Variants in GLYATL3 observed in about 807,000 individuals in gnomAD.
GLYATL3 encodes the protein glycine N-acyltransferase-like protein 3.
A neutral mutation model predicts 28.5 loss-of-function variants in GLYATL3; 31 were observed. That is an observed-to-expected ratio of 1.09 (90% CI 0.82 to 1.47). The LOEUF (loss-of-function observed/expected upper bound fraction) is 1.47. Ranked by LOEUF, GLYATL3 falls within the 40% of genes most tolerant of loss-of-function variation. The pLI, the probability that GLYATL3 is intolerant of heterozygous loss-of-function variation, is 0.00. For synonymous variants in GLYATL3, 141 were observed against 140.2 expected (o/e 1.01, Z -0.04); for missense variants, 369 against 351.5 (o/e 1.05, Z -0.40).
chr6:49,525,973 A>T (rs1004458088), intron 5 of GLYATL3, among the ~76,000 whole-genome samples: 4 of 152,234 alleles, frequency 2.6e-5, no homozygotes, highest in Non-Finnish European at 4.4e-5. Context: ...AATTAGAAGC[A>T]ACGACTTAAA....
intron 3 of GLYATL3, 48 bp downstream of exon 3, chr6:49,515,808 G>A (rs1484978082): frequency 8.7e-6 from 9 of 1,031,646 alleles, no homozygotes; most frequent in Admixed American, 2.0e-5. Context: ...GAATTGGAAA[G>A]AAAAAGTAGG....
intron 4 of GLYATL3, among the ~76,000 whole-genome samples, chr6:49,519,102 G>A (rs1400893145): frequency 1.3e-5 from 2 of 152,084 alleles, no homozygotes; most frequent in African/African-American, 4.8e-5. Flanking sequence ...TGTTCTGACC[G>A]GTATTACTTT....
chr6:49,526,434 T>C (rs879748771), intron 5 of GLYATL3, 54 bp from the exon 6 acceptor site: 41 of 1,440,026 alleles, frequency 2.8e-5, no homozygotes, highest in South Asian at 5.3e-5. Context: ...TGTGTAGTTA[T>C]GTATAACCAC....
rs1184570343 is a variant in GLYATL3 at position 49,526,689 on chromosome 6, T to A, written c.642T>A (p.His214Gln). 1 of 1,551,770 alleles carries A rather than the reference T, an allele frequency of 6.4e-7. No individual in the cohort carries two copies. The highest frequency in any genetic ancestry group is 8.7e-7 in the Non-Finnish European group (1 of 1,147,018). ...SITDQFATMC[H>Q]GYTLPEHRRK... Reference sequence around the variant, plus strand: ...CAGACCAGTTTGCCACCATGTGCCATGGCTACACCCTGCCAGAACATCGCA... The same window carrying A: ...CAGACCAGTTTGCCACCATGTGCCAAGGCTACACCCTGCCAGAACATCGCA... The change falls in exon 6 of 6, where the codon CAT becomes CAA. Residue 214 changes from histidine (H) to glutamine (Q), a missense_variant. Physicochemically the swap from His to Gln is conservative, Grantham distance 24. Transcript: ENST00000371197.
intron 2 of GLYATL3, among the ~76,000 whole-genome samples, chr6:49,514,420 G>T (rs1175887883): frequency 6.6e-6 from 1 of 152,172 alleles, no homozygotes; most frequent in Non-Finnish European, 1.5e-5. Flanking sequence ...CATGAATGGT[G>T]GTAAAAAGGA....
chr6:49,507,787 A>C (rs1463761905), intron 1 of GLYATL3, among the ~76,000 whole-genome samples: 2 of 152,110 alleles, frequency 1.3e-5, no homozygotes, highest in African/African-American at 4.8e-5. Context: ...AGATAGTGAA[A>C]GCTGAGTCCA....
At chr6:49,505,699 A>T (rs1386901877) in intron 1 of GLYATL3, among the ~76,000 whole-genome samples, 1 of 152,218 alleles carries the variant, frequency 6.6e-6, no homozygotes, top group African/African-American at 2.4e-5. Context: ...AGGGACCACA[A>T]TAATGTTTGG....
rs746525663 is a variant in GLYATL3 at position 49,521,622 on chromosome 6, A to C, written c.314-23A>C. ...TTTTCAACTAAAATGCCCACATATTAAATTATGTCTTTCTATACACAGGGC... is the reference window on the plus strand; with the variant it reads ...TTTTCAACTAAAATGCCCACATATTCAATTATGTCTTTCTATACACAGGGC... On this transcript the variant is annotated intron_variant, in intron 4 of 5. Transcript: ENST00000371197. The C allele has an allele frequency of 4.6e-6, 7 of 1,521,044 alleles. No individual in the cohort carries two copies. The South Asian group carries it at 7.5e-5, about 16-fold the overall frequency. The allele number at this position is 1,521,044 out of a possible 1,614,324, so 94.2% of individuals were successfully genotyped here.
At chr6:49,514,764 C>T (rs577247276) in intron 2 of GLYATL3, among the ~76,000 whole-genome samples, 2 of 152,110 alleles carry the variant, frequency 1.3e-5, no homozygotes, top group South Asian at 4.2e-4. Flanking sequence ...ACCCAGGAGG[C>T]GGAGGTTGCA....
chr6:49,516,564 T>C (rs922994011), intron 3 of GLYATL3, among the ~76,000 whole-genome samples: 12 of 151,958 alleles, frequency 7.9e-5, no homozygotes, highest in Non-Finnish European at 1.8e-4. Context: ...TGGAGGTGAA[T>C]CCACTGAGTT....
intron 1 of GLYATL3, 156 bp from the exon 2 acceptor site, chr6:49,511,807 C>A: frequency 2.1e-6 from 1 of 467,524 alleles, no homozygotes; most frequent in South Asian, 4.8e-5. Context: ...CCGGTTTACC[C>A]ATCCCAGTGC....
intron 3 of GLYATL3, among the ~76,000 whole-genome samples, chr6:49,517,193 A>G (rs562852154): frequency 6.6e-6 from 1 of 151,350 alleles, no homozygotes; most frequent in Non-Finnish European, 1.5e-5. Flanking sequence ...AAGACAAAGA[A>G]AAACTCTTTC....
intron 5 of GLYATL3, among the ~76,000 whole-genome samples, chr6:49,523,549 C>T (rs180914497): frequency 6.6e-6 from 1 of 152,322 alleles, no homozygotes; most frequent in East Asian, 1.9e-4. Context: ...GGTAGCCCCC[C>T]TCCAGATCCA....
At chr6:49,501,098 T>A (rs1268169768) in intron 1 of GLYATL3, among the ~76,000 whole-genome samples, 1 of 152,062 alleles carries the variant, frequency 6.6e-6, no homozygotes, top group African/African-American at 2.4e-5. Context: ...AAGTAGAGGT[T>A]TTGCTATTAA....
chr6:49,522,421 A>T (rs1769331971), intron 5 of GLYATL3, among the ~76,000 whole-genome samples: 1 of 152,170 alleles, frequency 6.6e-6, no homozygotes, highest in South Asian at 2.1e-4. Context: ...CTGCTCTGTC[A>T]TTTACTAATT....
chr6:49,523,820 A>C (rs1334353457), intron 5 of GLYATL3, among the ~76,000 whole-genome samples: 1 of 152,136 alleles, frequency 6.6e-6, no homozygotes, highest in African/African-American at 2.4e-5. Flanking sequence ...GTTCCCCTTC[A>C]TCTTTATTTT....
intron 4 of GLYATL3, among the ~76,000 whole-genome samples, chr6:49,518,814 G>A (rs1278875208): frequency 6.6e-6 from 1 of 151,958 alleles, no homozygotes; most frequent in Admixed American, 6.6e-5. Flanking sequence ...GGTGGCGGGC[G>A]CCTGTAGTCC....
At chr6:49,518,067 G>C (rs776077516) in intron 4 of GLYATL3, among the ~76,000 whole-genome samples, 1 of 152,048 alleles carries the variant, frequency 6.6e-6, no homozygotes, top group Non-Finnish European at 1.5e-5. Flanking sequence ...CTGCAACCTA[G>C]GCTGGATGCA....
chr6:49,514,035 C>A (rs1004694904), intron 2 of GLYATL3, among the ~76,000 whole-genome samples: 9 of 152,190 alleles, frequency 5.9e-5, no homozygotes, highest in African/African-American at 1.7e-4. Context: ...AAATCTAACA[C>A]ATGCTAGCTA....
Sources: allele counts gnomAD v4.1 joint callset (sites outside exome capture counted in the v4.1 genomes callset), GRCh38; gene constraint gnomAD v4.1.1; transcripts MANE v1.5; gene names NCBI Gene and HGNC (gene_info 2026-07-23, HGNC 2026-07-21).